Variants in MAEL observed in about 807,000 individuals in gnomAD.
MAEL encodes maelstrom spermatogenic transposon silencer.
MAEL carries 46 observed loss-of-function variants against 62.0 expected under a neutral mutation model. The ratio of observed to expected loss-of-function variants is 0.74; its 90% CI spans 0.59 to 0.95. The LOEUF (loss-of-function observed/expected upper bound fraction) is 0.95. Among genes scored for constraint, MAEL ranks in the 40% least tolerant of loss-of-function variants. The probability of loss-of-function intolerance (pLI) is 0.00; values close to 1 mark genes in which losing one functional copy is unlikely to be tolerated. For synonymous variants in MAEL, 172 were observed against 175.5 expected (o/e 0.98, Z 0.16); for missense variants, 497 against 526.8 (o/e 0.94, Z 0.55).
intron 5 of MAEL, among the ~76,000 whole-genome samples, chr1:166,997,485 A>G (rs1287524968): frequency 1.3e-5 from 2 of 151,956 alleles, no homozygotes. Context: ...TGTGTCTTGT[A>G]TTTTTTACTC....
Position 167,005,137 on chromosome 1 carries a change from A to G in MAEL, c.703+7A>G. 1.9e-6 allele frequency: 3 copies of G among 1,613,612 alleles called. No homozygotes were observed. Among genetic ancestry groups the G allele is most frequent in the Non-Finnish European group, 2.5e-6 (3 of 1,179,726 alleles). ...CATATGGCAAAGGCATCAGGTAAGTAAAACTCTGGGTTGCTGCAGAAGTGC... is the reference window on the plus strand; with the variant it reads ...CATATGGCAAAGGCATCAGGTAAGTGAAACTCTGGGTTGCTGCAGAAGTGC... On this transcript the variant is annotated splice_region_variant and intron_variant, in intron 7 of 11. Coordinates refer to ENST00000367872, the MANE Select transcript of MAEL (RefSeq NM_032858.3).
At chr1:166,990,719 T>A (rs1374846930) in intron 2 of MAEL, 1 of 152,130 alleles carries the variant, frequency 6.6e-6, no homozygotes, top group Non-Finnish European at 1.5e-5. Flanking sequence ...TGTAGTAGAA[T>A]GTTAAAGTAC....
At chr1:166,979,888 T>C (rs1663706940) in intron 1 of MAEL, among the ~76,000 whole-genome samples, 1 of 152,056 alleles carries the variant, frequency 6.6e-6, no homozygotes, top group Non-Finnish European at 1.5e-5. Context: ...AAAAAGAACA[T>C]AAAAGTATAT....
intron 8 of MAEL, among the ~76,000 whole-genome samples, chr1:167,014,157 G>C (rs887167119): frequency 7.2e-5 from 11 of 152,130 alleles, no homozygotes; most frequent in African/African-American, 2.4e-4. Context: ...GCCTCTTCCT[G>C]CTTTTTTCCT....
At chr1:167,005,448 G>A (rs2102099543) in intron 8 of MAEL, 51 bp downstream of exon 8, 1 of 1,491,056 alleles carries the variant, frequency 6.7e-7, no homozygotes, top group Admixed American at 2.1e-5. Context: ...TTTCTAGACT[G>A]AGAAAATATG....
At chr1:166,982,981 T>C (rs1663803343) in intron 1 of MAEL, among the ~76,000 whole-genome samples, 1 of 152,240 alleles carries the variant, frequency 6.6e-6, no homozygotes, top group South Asian at 2.1e-4. Flanking sequence ...TTTCTTCATA[T>C]AGGGCCTTTA....
Position 167,005,376 on chromosome 1 carries a change from G to A in MAEL, c.824G>A (p.Trp275Ter). The A allele has an allele frequency of 6.2e-7, 1 of 1,610,582 alleles. No homozygotes were observed. Among genetic ancestry groups the A allele is most frequent in the Non-Finnish European group, 8.5e-7 (1 of 1,178,746 alleles). Residue 275 changes from tryptophan (W) to a stop codon, truncating the protein, a stop_gained, in exon 8 of 12, where the codon TGG becomes TAG. Coordinates refer to ENST00000367872, the MANE Select transcript of MAEL (RefSeq NM_032858.3). LOFTEE classifies it high-confidence loss of function. ...CGAAGCCTCCTAGATGTGGCCATGT[G>A]GGATTATTCTAGCAACACAAGGTAT... ...WIRSLLDVAMWDYSSNTRCKW... is the reference protein window; with the variant it reads ...WIRSLLDVAM
At chr1:167,016,719 T>A (rs186653743) in intron 9 of MAEL, among the ~76,000 whole-genome samples, 1 of 152,282 alleles carries the variant, frequency 6.6e-6, no homozygotes, top group East Asian at 1.9e-4. Context: ...TAGCCAAGAT[T>A]TGGAAGCAAC....
upstream of MAEL, among the ~76,000 whole-genome samples, chr1:166,985,146 G>A (rs894998459): frequency 5.3e-5 from 8 of 152,204 alleles, no homozygotes; most frequent in African/African-American, 1.9e-4. Context: ...GGTGAGCTCT[G>A]TGATTGCCAC....
chr1:167,008,220 T>A (rs774571168), intron 8 of MAEL, among the ~76,000 whole-genome samples: 8 of 152,138 alleles, frequency 5.3e-5, no homozygotes, highest in Non-Finnish European at 1.0e-4. Context: ...GTTTTAAAAT[T>A]TTTCTCACAC....
At chr1:167,007,272 C>T (rs889652765) in intron 8 of MAEL, among the ~76,000 whole-genome samples, 1 of 151,826 alleles carries the variant, frequency 6.6e-6, no homozygotes, top group African/African-American at 2.4e-5. Flanking sequence ...CATATATGGC[C>T]AGTGGGAGTA....
At chr1:166,991,857 A>G (rs1664188696) in intron 3 of MAEL, among the ~76,000 whole-genome samples, 1 of 152,230 alleles carries the variant, frequency 6.6e-6, no homozygotes, top group South Asian at 2.1e-4. Flanking sequence ...AAAATTGGTA[A>G]GAGTAGGTTT....
rs1182082114 is a variant in MAEL, at chr1:167,017,250, T to C, written c.909-577T>C. Among the ~76,000 whole-genome samples, 3 of 152,174 alleles carry C rather than the reference T, an allele frequency of 2.0e-5. No individual in the cohort carries two copies. The East Asian group carries it at 5.8e-4, about 29-fold the overall frequency. On this transcript the variant is annotated intron_variant, in intron 9 of 11. Coordinates refer to ENST00000367872, the MANE Select transcript of MAEL (RefSeq NM_032858.3). ...GTATCAAAACATCTTATGTACCCCA[T>C]AAATATATGCACCTACTATGTACTC...
chr1:167,010,985 T>G (rs1415507141), intron 8 of MAEL, among the ~76,000 whole-genome samples: 2 of 152,138 alleles, frequency 1.3e-5, no homozygotes, highest in Non-Finnish European at 2.9e-5. Flanking sequence ...CTGCATGATC[T>G]TAAATTTCCC....
chr1:167,022,066 G>C lies in MAEL; in HGVS notation c.*211G>C. On this transcript the variant is annotated 3_prime_UTR_variant, in exon 12 of 12. Coordinates refer to ENST00000367872, the MANE Select transcript of MAEL (RefSeq NM_032858.3). ...TTCTTGAGGGATTGTTCTGCTTCCT[G>C]GCTGTATGATGGGTATATCATTAAA... The C allele has an allele frequency of 2.0e-6, 1 of 489,860 alleles. No individual in the cohort carries two copies. 30.3% of individuals were successfully genotyped at this position (489,860 alleles called of 1,614,324 possible).
intron 5 of MAEL, among the ~76,000 whole-genome samples, chr1:166,996,593 A>G (rs1312305850): frequency 6.6e-6 from 1 of 152,170 alleles, no homozygotes; most frequent in Non-Finnish European, 1.5e-5. Flanking sequence ...AAAATAGCAC[A>G]TTTCCAGTGC....
At chr1:166,978,959 C>A (rs1041828562) in intron 1 of MAEL, among the ~76,000 whole-genome samples, 4 of 152,162 alleles carry the variant, frequency 2.6e-5, no homozygotes, top group Non-Finnish European at 5.9e-5. Flanking sequence ...GACTAACAGG[C>A]TGCTTCAGCA....
intron 8 of MAEL, among the ~76,000 whole-genome samples, chr1:167,010,920 A>G (rs910715290): frequency 2.6e-5 from 4 of 152,122 alleles, no homozygotes; most frequent in Admixed American, 2.0e-4. Context: ...AGGTTCTTTA[A>G]TGAATGTTTT....
At chr1:167,002,167 C>G (rs528827891) in intron 5 of MAEL, among the ~76,000 whole-genome samples, 1 of 151,968 alleles carries the variant, frequency 6.6e-6, no homozygotes, top group South Asian at 2.1e-4. Flanking sequence ...TATAATATAC[C>G]GAGTTTGGTT....
Sources: allele counts gnomAD v4.1 joint callset (sites outside exome capture counted in the v4.1 genomes callset), GRCh38; gene constraint gnomAD v4.1.1; transcripts MANE v1.5; gene names NCBI Gene and HGNC (gene_info 2026-07-23, HGNC 2026-07-21).